MTM1: variants seen among roughly 807,000 people sequenced by gnomAD.
MTM1 encodes the protein myotubularin.
In MTM1, 9 loss-of-function variants were observed where a neutral mutation model predicts 52.1. The observed-to-expected ratio is 0.17, with a 90% CI of 0.10 to 0.30. The LOEUF is 0.30. MTM1 is among the 10% of genes least tolerant of loss of function. MTM1 has a pLI of 1.00. For missense variants in MTM1, 277 were observed against 470.7 expected (o/e 0.59, Z 3.81); for synonymous variants, 136 against 163.8 (o/e 0.83, Z 1.29).
intron 1 of MTM1, among the ~76,000 whole-genome samples, chrX:150,580,057 G>A (rs1012680958): frequency 2.7e-5 from 3 of 111,327 alleles, no homozygotes; most frequent in Admixed American, 9.6e-5. Flanking sequence ...TGATAAGAGT[G>A]ACCGTCCTTG....
At chrX:150,668,376 A>G (rs1359021119) in intron 14 of MTM1, among the ~76,000 whole-genome samples, 1 of 111,230 alleles carries the variant, frequency 9.0e-6, no homozygotes, top group Non-Finnish European at 1.9e-5. Flanking sequence ...AATAGAGACC[A>G]TTCTCCTGAA....
At chrX:150,644,053 T>C (rs2039890165) in intron 8 of MTM1, among the ~76,000 whole-genome samples, 1 of 111,122 alleles carries the variant, frequency 9.0e-6, no homozygotes, top group African/African-American at 3.3e-5. Context: ...CGGGAGGCCA[T>C]TGCCTATGGC....
upstream of MTM1, among the ~76,000 whole-genome samples, chrX:150,563,856 A>G (rs1557411130): frequency 1.8e-5 from 2 of 111,828 alleles, no homozygotes; most frequent in African/African-American, 6.5e-5. Flanking sequence ...ACTGCACTCC[A>G]ACCTGGAAGG....
chrX:150,650,390 C>T (rs1207400521), intron 10 of MTM1, among the ~76,000 whole-genome samples: 4 of 111,453 alleles, frequency 3.6e-5, no homozygotes, highest in Admixed American at 1.9e-4. Flanking sequence ...TTAAAAAGTA[C>T]TTGAAGTGAT....
chrX:150,637,239 A>G (rs192961342), intron 6 of MTM1, among the ~76,000 whole-genome samples: 1 of 112,449 alleles, frequency 8.9e-6, no homozygotes, highest in African/African-American at 3.2e-5. Context: ...CTGCTGAAAG[A>G]TGCTTTTCCA....
At chrX:150,652,656 T>TACAC (rs1265035126) in intron 10 of MTM1, among the ~76,000 whole-genome samples, 108 of 44,126 alleles carry the variant, frequency 2.4e-3, no homozygotes, top group East Asian at 0.017. Context: ...TGTATATATA[T>TACAC]ATACACACAC....
At chrX:150,591,428 C>T (rs781845574) in intron 1 of MTM1, among the ~76,000 whole-genome samples, 5 of 112,638 alleles carry the variant, frequency 4.4e-5, no homozygotes, top group Admixed American at 9.4e-5. Context: ...TGAACTCTCA[C>T]GGGGGAATCC....
intron 6 of MTM1, among the ~76,000 whole-genome samples, chrX:150,633,848 A>G (rs1346377755): frequency 1.8e-5 from 2 of 112,174 alleles, no homozygotes; most frequent in Non-Finnish European, 3.8e-5. Context: ...CCTGGGCAAC[A>G]TGGTGAAACC....
At chrX:150,601,524 G>A (rs1233648993) in intron 4 of MTM1, among the ~76,000 whole-genome samples, 2 of 112,409 alleles carry the variant, frequency 1.8e-5, no homozygotes, top group African/African-American at 3.2e-5. Context: ...AAACACTGCA[G>A]TAGGAGTGAT....
chrX:150,596,641 C>G, intron 3 of MTM1, 71 bp downstream of exon 3: 1 of 876,522 alleles, frequency 1.1e-6, no homozygotes, highest in Middle Eastern at 2.9e-4. Flanking sequence ...GCTTCAGTCC[C>G]GCTTACTCTT....
Position 150,657,666 on chromosome X carries a change from G to A in MTM1, c.1054-155G>A, listed in dbSNP as rs1438660699. Among the ~76,000 whole-genome samples the A allele has an allele frequency of 3.6e-5, 4 of 111,822 alleles. No homozygotes were observed. In the South Asian group the frequency reaches 1.1e-3, roughly 32 times the overall value. ...AACAAATGCAGCGTCTGTAGAGGACGATCAACAGATCCTGCAGCTCTTAGT... is the reference window on the plus strand; with the variant it reads ...AACAAATGCAGCGTCTGTAGAGGACAATCAACAGATCCTGCAGCTCTTAGT... On this transcript the variant is annotated intron_variant, in intron 10 of 14. Transcript: ENST00000370396.
At position 150,632,739 on chromosome X, in the gene MTM1, TA is replaced by T. The variant is rs782611470; in HGVS notation, c.445-6203del. ...GTAGAATTTGGTGGTTGACTGAATG[TA>T]GTTATGAGGGAGGATGGGATGATAG... On this transcript the variant is annotated intron_variant, in intron 6 of 14. Coordinates refer to ENST00000370396, the MANE Select transcript of MTM1 (RefSeq NM_000252.3). 1.3e-4 allele frequency among the ~76,000 whole-genome samples: 15 copies of T among 111,192 alleles called. No individual in the cohort carries two copies. In the East Asian group the frequency reaches 4.3e-3, roughly 32 times the overall value.
intron 1 of MTM1, among the ~76,000 whole-genome samples, chrX:150,581,751 C>T (rs1200766859): frequency 8.9e-6 from 1 of 111,845 alleles, no homozygotes; most frequent in Non-Finnish European, 1.9e-5. Context: ...GGTCAGATTG[C>T]CTAGATTTCA....
intron 14 of MTM1, among the ~76,000 whole-genome samples, chrX:150,667,087 C>A (rs1237246390): frequency 1.8e-5 from 2 of 112,072 alleles, no homozygotes; most frequent in African/African-American, 6.5e-5. Flanking sequence ...TCATGCCACT[C>A]GCCTGCTAGA....
chrX:150,660,562 T>C (rs1210168219), intron 13 of MTM1, 78 bp downstream of exon 13: 4 of 617,720 alleles, frequency 6.5e-6, no homozygotes, highest in Non-Finnish European at 1.1e-5. Context: ...ATAAAAAATA[T>C]GATAGCTTGT....
intron 11 of MTM1, 29 bp downstream of exon 11, chrX:150,658,056 T>C (rs782075452): frequency 5.9e-5 from 63 of 1,069,193 alleles, no homozygotes; most frequent in South Asian, 1.9e-4. Flanking sequence ...TTTCTAAAAA[T>C]AGATCACTAC....
chrX:150,650,092 C>G (rs1335594630), intron 10 of MTM1, among the ~76,000 whole-genome samples, 191 bp downstream of exon 10: 1 of 111,717 alleles, frequency 9.0e-6, no homozygotes, highest in African/African-American at 3.2e-5. Flanking sequence ...ATCATCACTC[C>G]AGAATATATT....
intron 8 of MTM1, among the ~76,000 whole-genome samples, chrX:150,644,596 G>A (rs2039899563): frequency 9.0e-6 from 1 of 111,615 alleles, no homozygotes; most frequent in Non-Finnish European, 1.9e-5. Context: ...TGTTGAGTGA[G>A]CCCACATGAT....
At chrX:150,657,203 G>A (rs1488791278) in intron 10 of MTM1, among the ~76,000 whole-genome samples, 1 of 110,462 alleles carries the variant, frequency 9.1e-6, no homozygotes, top group Non-Finnish European at 1.9e-5. Context: ...ATTCACAATA[G>A]CAAAGACTTG....
Sources: allele counts gnomAD v4.1 joint callset (sites outside exome capture counted in the v4.1 genomes callset), GRCh38; gene constraint gnomAD v4.1.1; transcripts MANE v1.5; gene names NCBI Gene and HGNC (gene_info 2026-07-23, HGNC 2026-07-21).